NFAM1: variants seen among roughly 807,000 people sequenced by gnomAD.
The protein encoded by NFAM1 is NFAT activation molecule 1.
In NFAM1, 17 loss-of-function variants were observed where a neutral mutation model predicts 29.0. The ratio of observed to expected loss-of-function variants is 0.59; its 90% CI spans 0.40 to 0.88. The LOEUF is 0.88. Ranked by LOEUF, NFAM1 falls within the 40% of genes least tolerant of loss-of-function variation. The pLI is 0.00. For synonymous variants in NFAM1, 175 were observed against 147.2 expected (o/e 1.19, Z -1.36); for missense variants, 324 against 344.6 (o/e 0.94, Z 0.47).
chr22:42,398,477 A>G (rs911553713), intron 3 of NFAM1, among the ~76,000 whole-genome samples: 16 of 150,996 alleles, frequency 1.1e-4, no homozygotes, highest in Non-Finnish European at 4.4e-5. Context: ...CAATGGTGCA[A>G]TCTCAGCTTA....
upstream of NFAM1, among the ~76,000 whole-genome samples, chr22:42,435,509 G>A (rs1312242646): frequency 1.3e-5 from 2 of 151,830 alleles, no homozygotes; most frequent in African/African-American, 4.8e-5. Flanking sequence ...CACCACGCCC[G>A]GCTAATTTTG....
At chr22:42,433,488 G>C (rs1930869208), upstream of NFAM1, among the ~76,000 whole-genome samples, 1 of 152,208 alleles carries the variant, frequency 6.6e-6, no homozygotes, top group Non-Finnish European at 1.5e-5. Context: ...GTGGTATGAT[G>C]TCCGAGCCTT....
chr22:42,409,366 G>T lies in NFAM1; in HGVS notation c.564+69C>A. The T allele has an allele frequency of 1.2e-6, 1 of 826,562 alleles. No individual in the cohort carries two copies. The highest frequency in any genetic ancestry group is 1.8e-6 in the Non-Finnish European group (1 of 547,580). 51.2% of individuals were successfully genotyped at this position (826,562 alleles called of 1,614,324 possible). On this transcript the variant is annotated intron_variant, in intron 3 of 5. Coordinates refer to ENST00000329021, the MANE Select transcript of NFAM1 (RefSeq NM_145912.8). The surrounding 1 kb of genome is among the most constrained non-coding windows in gnomAD (Gnocchi z 4.9). ...ACCAGGGCCCACCAAACGCCCTGCA[G>T]AGGGCAGGCGGGCAGCCGGTGGCGT...
At chr22:42,401,342 G>A (rs1358120689) in intron 3 of NFAM1, among the ~76,000 whole-genome samples, 1 of 152,208 alleles carries the variant, frequency 6.6e-6, no homozygotes, top group African/African-American at 2.4e-5. Context: ...GCACGGGTGG[G>A]GCCACGAAAG....
At chr22:42,407,555 G>C (rs560020401) in intron 3 of NFAM1, among the ~76,000 whole-genome samples, 131 of 152,042 alleles carry the variant, frequency 8.6e-4, no homozygotes, top group Non-Finnish European at 1.6e-3. Context: ...ATTTTTAGTA[G>C]AGATGGGGTT....
intron 3 of NFAM1, among the ~76,000 whole-genome samples, chr22:42,400,851 G>A (rs1286718379): frequency 6.6e-6 from 1 of 152,212 alleles, no homozygotes; most frequent in Non-Finnish European, 1.5e-5. Flanking sequence ...TCGCTGAGCT[G>A]GCCGACCTGG....
At chr22:42,427,255 T>G (rs1479019308) in intron 1 of NFAM1, among the ~76,000 whole-genome samples, 1 of 152,116 alleles carries the variant, frequency 6.6e-6, no homozygotes, top group Non-Finnish European at 1.5e-5. Context: ...GGGTCCACAT[T>G]TCCCCAGGAT....
At chr22:42,432,156 A>C in intron 1 of NFAM1, 81 bp downstream of exon 1, 1 of 1,268,434 alleles carries the variant, frequency 7.9e-7, no homozygotes. Flanking sequence ...GTCCCTGGGA[A>C]TTAGCTGCGC....
rs566747464 is a variant in NFAM1, at chr22:42,394,999, C to A, written c.663+2859G>T. On this transcript the variant is annotated intron_variant, in intron 4 of 5. Coordinates refer to ENST00000329021, the MANE Select transcript of NFAM1 (RefSeq NM_145912.8). The stretch of plus-strand genomic sequence containing the variant: ...AACCAGCCTGGGCAATATAGTGAGA[C>A]CTTGTCTCTACAAAAAATTAAAAAA... Among the ~76,000 whole-genome samples the A allele has an allele frequency of 3.9e-3, 593 of 151,990 alleles. 1 individual carries two copies. The highest frequency in any genetic ancestry group is 6.6e-3 in the Non-Finnish European group (446 of 67,960).
chr22:42,415,361 G>A (rs934301599), intron 1 of NFAM1, among the ~76,000 whole-genome samples: 13 of 145,536 alleles, frequency 8.9e-5, no homozygotes, highest in African/African-American at 2.6e-4. Context: ...GTGCGATGGC[G>A]CGATCTCAGC....
At chr22:42,398,382 TTTA>T (rs202112713) in intron 3 of NFAM1, among the ~76,000 whole-genome samples, 21,149 of 125,024 alleles carry the variant, frequency 0.17, 1,642 homozygotes, top group Admixed American at 0.21. Flanking sequence ...CTTGGTTTTA[TTTA>T]TTATTATTAT....
chr22:42,398,525 G>C (rs566827772), intron 3 of NFAM1, among the ~76,000 whole-genome samples: 9 of 151,766 alleles, frequency 5.9e-5, no homozygotes, highest in African/African-American at 2.2e-4. Flanking sequence ...CGATTCTCCC[G>C]CCTCAGCCTC....
chr22:42,385,812 G>A (rs1280939670), intron 5 of NFAM1, among the ~76,000 whole-genome samples: 5 of 152,188 alleles, frequency 3.3e-5, no homozygotes, highest in Non-Finnish European at 2.9e-5. Context: ...GTTGAGGGCT[G>A]AGTATAGAAA....
intron 4 of NFAM1, among the ~76,000 whole-genome samples, chr22:42,391,877 G>A (rs1004875112): frequency 2.6e-5 from 4 of 151,022 alleles, no homozygotes; most frequent in African/African-American, 7.3e-5. Flanking sequence ...CCTGGGAGGC[G>A]GAGGTTGCAG....
chr22:42,405,973 C>T (rs73886085), intron 3 of NFAM1, among the ~76,000 whole-genome samples: 2 of 152,050 alleles, frequency 1.3e-5, no homozygotes, highest in Non-Finnish European at 2.9e-5. Flanking sequence ...ATGCTTTTTT[C>T]GTACCTCAGA....
intron 3 of NFAM1, among the ~76,000 whole-genome samples, chr22:42,406,427 T>C (rs1482637834): frequency 6.6e-6 from 1 of 152,206 alleles, no homozygotes; most frequent in East Asian, 1.9e-4. Flanking sequence ...GTCCTTTCAA[T>C]GCCCCCTACC....
chr22:42,430,407 A>C (rs1228621422), intron 1 of NFAM1, among the ~76,000 whole-genome samples: 1 of 152,110 alleles, frequency 6.6e-6, no homozygotes, highest in African/African-American at 2.4e-5. Flanking sequence ...TAAAAATACA[A>C]AAATTAGCTG....
At chr22:42,408,176 G>A (rs1043963108) in intron 3 of NFAM1, among the ~76,000 whole-genome samples, 1 of 152,164 alleles carries the variant, frequency 6.6e-6, no homozygotes, top group Non-Finnish European at 1.5e-5. Flanking sequence ...TTACAGGCAT[G>A]AGCCACCGTG....
At chr22:42,418,287 G>A (rs1347394554) in intron 1 of NFAM1, among the ~76,000 whole-genome samples, 3 of 152,210 alleles carry the variant, frequency 2.0e-5, no homozygotes, top group Non-Finnish European at 4.4e-5. Flanking sequence ...CCAGCCTTAA[G>A]GGGTTGTGGT....
Sources: allele counts gnomAD v4.1 joint callset (sites outside exome capture counted in the v4.1 genomes callset), GRCh38; gene constraint gnomAD v4.1.1; non-coding constraint Gnocchi (gnomAD v3.1); transcripts MANE v1.5; gene names NCBI Gene and HGNC (gene_info 2026-07-23, HGNC 2026-07-21).